The following NEK11 variants were observed in gnomAD, a reference collection of about 807,000 sequenced individuals.
NEK11 encodes the protein serine/threonine-protein kinase Nek11.
In NEK11, 72 loss-of-function variants were observed where a neutral mutation model predicts 80.7. The ratio of observed to expected loss-of-function variants is 0.89; its 90% CI spans 0.74 to 1.08. The LOEUF (loss-of-function observed/expected upper bound fraction) is 1.08, where lower values mean the gene tolerates loss of function less well. Ranked by LOEUF, NEK11 falls within the 50% of genes least tolerant of loss-of-function variation. The pLI, the probability that NEK11 is intolerant of heterozygous loss-of-function variation, is 0.00. For synonymous variants in NEK11, 251 were observed against 260.7 expected, an observed-to-expected ratio of 0.96 and a Z score of 0.36; for missense variants, 764 against 763.6, an observed-to-expected ratio of 1.00 and a Z score of -0.01.
At chr3:131,273,704 G>C in intron 17 of NEK11, 130 bp downstream of exon 17, 1 of 626,560 alleles carries the variant, frequency 1.6e-6, no homozygotes, top group Non-Finnish European at 2.8e-6. Context: ...GGACTAAGCT[G>C]TTCCAACTTA....
At chr3:131,104,209 A>C (rs1204172759) in intron 4 of NEK11, among the ~76,000 whole-genome samples, 8 of 152,042 alleles carry the variant, frequency 5.3e-5, no homozygotes, top group Admixed American at 4.6e-4. Flanking sequence ...GGTGGGTACT[A>C]TGGTGGTGGC....
chr3:131,266,613 T>C (rs2096064253), intron 16 of NEK11, among the ~76,000 whole-genome samples: 1 of 152,134 alleles, frequency 6.6e-6, no homozygotes, highest in African/African-American at 2.4e-5. Context: ...TAAAGGAGTG[T>C]TTTTACTTCC....
At chr3:131,038,563 G>A (rs186407958) in intron 3 of NEK11, among the ~76,000 whole-genome samples, 15 of 152,260 alleles carry the variant, frequency 9.9e-5, no homozygotes, top group East Asian at 9.6e-4. Flanking sequence ...TTTCTTTTTG[G>A]CTTAGGCAGG....
chr3:131,215,539 A>T (rs1381626739), intron 14 of NEK11, among the ~76,000 whole-genome samples: 1 of 152,158 alleles, frequency 6.6e-6, no homozygotes, highest in African/African-American at 2.4e-5. Context: ...GGGGTTGGGC[A>T]TTTATTCAAC....
chr3:131,329,919 T>C (rs1338706574), intron 17 of NEK11: 1 of 152,214 alleles, frequency 6.6e-6, no homozygotes, highest in Non-Finnish European at 1.5e-5. Flanking sequence ...TACTCTGAGA[T>C]GAAGAGTCCA....
intron 13 of NEK11, 21 bp downstream of exon 13, chr3:131,168,958 A>C: frequency 6.3e-7 from 1 of 1,576,280 alleles, no homozygotes; most frequent in Non-Finnish European, 8.7e-7. Flanking sequence ...TCATATTCAC[A>C]AGCACAAAAG....
At chr3:131,090,136 C>A (rs1366452828) in intron 4 of NEK11, among the ~76,000 whole-genome samples, 2 of 152,046 alleles carry the variant, frequency 1.3e-5, no homozygotes, top group African/African-American at 2.4e-5. Flanking sequence ...AAATCAAATC[C>A]TTTTAGGATT....
intron 5 of NEK11, among the ~76,000 whole-genome samples, chr3:131,117,073 T>G (rs1282742091): frequency 5.3e-5 from 8 of 152,324 alleles, no homozygotes; most frequent in South Asian, 4.1e-4. Flanking sequence ...CTGAATGGTA[T>G]TGCCTAGGTT....
At chr3:131,140,942 C>A (rs2086755152) in intron 7 of NEK11, among the ~76,000 whole-genome samples, 1 of 152,142 alleles carries the variant, frequency 6.6e-6, no homozygotes, top group Non-Finnish European at 1.5e-5. Flanking sequence ...TCCCATGATT[C>A]AGTGGTATGC....
rs140679490 is a variant in NEK11, at chr3:131,081,254, A to T, written c.336+666A>T. On this transcript the variant is annotated intron_variant, in intron 4 of 17. Transcript: ENST00000383366. ...TCTAACAGATGCTTGGTTAGAGTAG[A>T]GGTATATGTCCTGAGTTTTGGATTC... Among the ~76,000 whole-genome samples, 3 of 152,324 alleles carry T rather than the reference A, an allele frequency of 2.0e-5. No homozygotes were observed. The East Asian group carries it at 5.8e-4, about 29-fold the overall frequency.
chr3:131,337,563 T>C (rs1024055952), intron 17 of NEK11, among the ~76,000 whole-genome samples: 85 of 152,104 alleles, frequency 5.6e-4, no homozygotes, highest in African/African-American at 2.0e-3. Context: ...CATGTATACA[T>C]ATGTAACTAA....
rs869304359 is a variant in NEK11 at position 131,272,463 on chromosome 3, CTTTTTTTTTT to C, written c.1622-994_1622-985del. On this transcript the variant is annotated intron_variant, in intron 16 of 17. Coordinates refer to ENST00000383366, the MANE Select transcript of NEK11 (RefSeq NM_024800.5). ...CTTGCTAATGGGCCAGTTTTAGCTT[CTTTTTTTTTT>C]TTTTTTTTTTTTTTTTTTTTGAGAC... Among the ~76,000 whole-genome samples, 7 of 43,900 alleles carry C rather than the reference CTTTTTTTTTT, an allele frequency of 1.6e-4. No homozygotes were observed. In the South Asian group the frequency reaches 3.7e-3, roughly 23 times the overall value. 28.8% of individuals were successfully genotyped at this position (43,900 alleles called of 152,430 possible). A position where few individuals can be genotyped will look rare whatever the true frequency, so the allele number is the denominator to read the frequency against.
At chr3:131,252,072 C>T (rs2095714606) in intron 16 of NEK11, among the ~76,000 whole-genome samples, 1 of 152,124 alleles carries the variant, frequency 6.6e-6, no homozygotes, top group Admixed American at 6.6e-5. Context: ...GTTCCTATTA[C>T]ATTTTTGGGA....
chr3:131,037,685 A>G (rs6439272), intron 3 of NEK11, among the ~76,000 whole-genome samples: 138,449 of 152,272 alleles, frequency 0.91, 63,481 homozygotes, highest in Non-Finnish European at 0.95. Context: ...ATAGCTGATC[A>G]CCTTTAGCAA....
chr3:131,057,949 A>T (rs2069934027), intron 3 of NEK11, among the ~76,000 whole-genome samples: 1 of 152,218 alleles, frequency 6.6e-6, no homozygotes, highest in Non-Finnish European at 1.5e-5. Flanking sequence ...TGTTTTAGAC[A>T]TGAAGTCCTT....
At chr3:131,099,420 C>T (rs2149250159) in intron 4 of NEK11, among the ~76,000 whole-genome samples, 1 of 152,228 alleles carries the variant, frequency 6.6e-6, no homozygotes, top group African/African-American at 2.4e-5. Context: ...CAGCTTTGTT[C>T]TTTTCCTTAG....
intron 11 of NEK11, among the ~76,000 whole-genome samples, chr3:131,164,804 G>T (rs1442930585): frequency 6.6e-6 from 1 of 152,182 alleles, no homozygotes; most frequent in African/African-American, 2.4e-5. Context: ...ATTGTCAGAA[G>T]AATTATAATG....
chr3:131,323,080 G>C (rs182613357), intron 17 of NEK11, among the ~76,000 whole-genome samples: 24 of 152,276 alleles, frequency 1.6e-4, no homozygotes, highest in Admixed American at 9.8e-4. Flanking sequence ...ACCTAAGAAA[G>C]CTTGGCAGAA....
intron 11 of NEK11, 59 bp from the exon 12 acceptor site, chr3:131,165,367 A>G (rs1017365072): frequency 7.5e-6 from 8 of 1,060,280 alleles, no homozygotes; most frequent in African/African-American, 4.7e-5. Context: ...CATCTGTATA[A>G]TATAGACATG....
Sources: gnomAD v4.1 joint callset for allele counts (sites outside exome capture counted in the v4.1 genomes callset) on GRCh38, gnomAD v4.1.1 for gene constraint, MANE v1.5 for transcripts, NCBI Gene and HGNC (gene_info 2026-07-23, HGNC 2026-07-21) for gene names.